Variants in ADAP2 observed in about 807,000 individuals in gnomAD.
ADAP2 encodes ArfGAP with dual PH domains 2.
A neutral mutation model predicts 54.9 loss-of-function variants in ADAP2; 42 were observed. The ratio of observed to expected loss-of-function variants is 0.77; its 90% confidence interval spans 0.60 to 0.99. The LOEUF is 0.99. Among genes scored for constraint, ADAP2 ranks in the 50% least tolerant of loss-of-function variants. ADAP2 has a pLI of 0.00. For missense variants in ADAP2, 429 were observed against 480.4 expected, an observed-to-expected ratio of 0.89 and a Z score of 1.00; for synonymous variants, 177 against 180.1, an observed-to-expected ratio of 0.98 and a Z score of 0.14.
At chr17:30,945,750 C>T (rs2142563946) in intron 6 of ADAP2, among the ~76,000 whole-genome samples, 1 of 150,748 alleles carries the variant, frequency 6.6e-6, no homozygotes, top group South Asian at 2.1e-4. Context: ...GAGCAGGACC[C>T]TGTCTCAAAA....
chr17:30,958,071 T>A lies in ADAP2; in HGVS notation c.*202T>A. ...GCAACCCACCTCGGGGATCTGAGGA[T>A]CTGGTGCATAGATGAACATCTATCC... On this transcript the variant is annotated 3_prime_UTR_variant, in exon 11 of 11. Coordinates refer to ENST00000330889, the MANE Select transcript of ADAP2 (RefSeq NM_018404.3). The A allele has an allele frequency of 1.6e-6, 1 of 616,680 alleles. No individual in the cohort carries two copies. 38.2% of individuals were successfully genotyped at this position (616,680 alleles called of 1,614,324 possible).
chr17:30,944,177 G>GCAAAA (rs1416648599), intron 5 of ADAP2, among the ~76,000 whole-genome samples: 2 of 152,052 alleles, frequency 1.3e-5, no homozygotes, highest in East Asian at 1.9e-4. Flanking sequence ...GGCAGCAAGA[G>GCAAAA]CAAAACAAAA....
rs373924866 is a variant in ADAP2 at position 30,936,998 on chromosome 17, G to A, written c.510+2701G>A. 6.9e-4 allele frequency among the ~76,000 whole-genome samples: 105 copies of A among 152,108 alleles called. 2 individuals carry two copies. In the South Asian group the frequency reaches 0.019, roughly 27 times the overall value. On this transcript the variant is annotated intron_variant, in intron 5 of 10. Transcript: ENST00000330889. ...GGCTGGAGTGCAGTGGCGTGATCTC[G>A]GCTCACTGCAACCTCTGCCTCCCAG...
At chr17:30,924,643 C>A (rs904890522) in intron 2 of ADAP2, among the ~76,000 whole-genome samples, 2 of 152,070 alleles carry the variant, frequency 1.3e-5, no homozygotes, top group Non-Finnish European at 2.9e-5. Context: ...TACTGAATGC[C>A]TACTCTGTGC....
rs1440251938 is a variant in ADAP2, at chr17:30,958,003, A to C, written c.*134A>C. On this transcript the variant is annotated 3_prime_UTR_variant, in exon 11 of 11. Coordinates refer to ENST00000330889, the MANE Select transcript of ADAP2 (RefSeq NM_018404.3). ...ATTCCTGGCAGTGAACTCTGCCAGG[A>C]CTGAAGCTGTGGCTTTATCCATCAG... 1.2e-6 allele frequency: 1 copy of C among 868,116 alleles called. No individual in the cohort carries two copies. The highest frequency in any genetic ancestry group is 1.7e-5 in the African/African-American group (1 of 59,784). The allele number at this position is 868,116 out of a possible 1,614,324, so 53.8% of individuals were successfully genotyped here. A position where few individuals can be genotyped will look rare whatever the true frequency, so the allele number is the denominator to read the frequency against.
At chr17:30,922,863 C>A in intron 1 of ADAP2, 77 bp from the exon 2 acceptor site, 1 of 1,528,458 alleles carries the variant, frequency 6.5e-7, no homozygotes. Context: ...GCCCCACCTG[C>A]CCCAGTGCCC....
chr17:30,922,099 G>C lies in ADAP2; in HGVS notation c.85G>C (p.Gly29Arg), dbSNP rs986372397. 4.2e-5 allele frequency: 52 copies of C among 1,249,732 alleles called. No homozygotes were observed. Among genetic ancestry groups the C allele is most frequent in the South Asian group, 6.5e-5 (2 of 30,850 alleles). The allele number at this position is 1,249,732 out of a possible 1,614,324, so 77.4% of individuals were successfully genotyped here. ...AGGCAACGCGCACTGCGCCGACTGC[G>C]GGGCGGCAGGTAAGGGCGCGGCGGC... ...DTGNAHCADCGAADPDWASYK... is the reference protein window; with the variant it reads ...DTGNAHCADCRAADPDWASYK... The change falls in exon 1 of 11, where the codon GGG (glycine) becomes CGG (arginine). Residue 29 changes from glycine to arginine, a missense_variant. Transcript: ENST00000330889.
intron 5 of ADAP2, among the ~76,000 whole-genome samples, chr17:30,935,229 G>C (rs528990420): frequency 2.0e-5 from 3 of 151,918 alleles, no homozygotes; most frequent in Non-Finnish European, 4.4e-5. Context: ...TTAGCTGGGC[G>C]TGGTGGTGCA....
At chr17:30,927,680 C>G (rs538207502) in intron 3 of ADAP2, among the ~76,000 whole-genome samples, 1 of 151,850 alleles carries the variant, frequency 6.6e-6, no homozygotes, top group South Asian at 2.1e-4. Flanking sequence ...CGGGCTGGCT[C>G]TAAACAACTT....
chr17:30,954,325 C>T (rs1473087420), intron 8 of ADAP2, 153 bp from the exon 9 acceptor site: 1 of 679,518 alleles, frequency 1.5e-6, no homozygotes, highest in South Asian at 1.7e-5. Context: ...TATCCAGGCC[C>T]CAGGGAGAAG....
At chr17:30,941,734 AG>A (rs1238410053) in intron 5 of ADAP2, among the ~76,000 whole-genome samples, 1 of 152,214 alleles carries the variant, frequency 6.6e-6, no homozygotes, top group East Asian at 1.9e-4. Context: ...ATTTTAGAAC[AG>A]GCAAAACTGT....
At chr17:30,945,949 CGAG>C (rs1912640786) in intron 6 of ADAP2, among the ~76,000 whole-genome samples, 2 of 150,294 alleles carry the variant, frequency 1.3e-5, no homozygotes, top group Non-Finnish European at 3.0e-5. Context: ...GTCAGGAGAT[CGAG>C]ACCATGCTGT....
intron 7 of ADAP2, 94 bp from the exon 8 acceptor site, chr17:30,953,194 A>G: frequency 1.8e-6 from 2 of 1,119,966 alleles, no homozygotes; most frequent in Admixed American, 3.5e-5. Context: ...ATCCTTCCCC[A>G]TTTCAAACTT....
chr17:30,939,730 C>T (rs191201830), intron 5 of ADAP2, among the ~76,000 whole-genome samples: 1 of 147,334 alleles, frequency 6.8e-6, no homozygotes, highest in African/African-American at 2.5e-5. Flanking sequence ...GAGATGGCGC[C>T]ACTGCACTCC....
chr17:30,922,041 G>A lies in ADAP2; in HGVS notation c.27G>A (p.Lys9=). 3 of 1,276,646 alleles carry A rather than the reference G, an allele frequency of 2.3e-6. No homozygotes were observed. In the Admixed American group the frequency reaches 1.3e-4, roughly 54 times the overall value. The allele number at this position is 1,276,646 out of a possible 1,614,324, so 79.1% of individuals were successfully genotyped here. A position where few individuals can be genotyped will look rare whatever the true frequency, so the allele number is the denominator to read the frequency against. Residue 9 remains lysine (K), a synonymous_variant, in exon 1 of 11, where the codon AAG becomes AAA. Coordinates refer to ENST00000330889, the MANE Select transcript of ADAP2 (RefSeq NM_018404.3). The part of the protein sequence containing the change: MGDRERNK[K]RLLELLRAPD... ...TGGGCGATCGCGAGCGCAACAAGAAGCGGCTGCTGGAGCTGCTGCGGGCGC... is the reference window on the plus strand; with the variant it reads ...TGGGCGATCGCGAGCGCAACAAGAAACGGCTGCTGGAGCTGCTGCGGGCGC...
Position 30,957,914 on chromosome 17 carries a change from T to G in ADAP2, c.*45T>G. 1.3e-6 allele frequency: 2 copies of G among 1,599,996 alleles called. No homozygotes were observed. Among genetic ancestry groups the G allele is most frequent in the Non-Finnish European group, 1.7e-6 (2 of 1,170,860 alleles). On this transcript the variant is annotated 3_prime_UTR_variant, in exon 11 of 11. Transcript: ENST00000330889. ...GCTGCCACTGAACACCTGGAACTCC[T>G]TGTGGGAAGAAGTTTGCACCTCGGC...
intron 5 of ADAP2, among the ~76,000 whole-genome samples, chr17:30,940,896 T>C (rs1397879143): frequency 1.3e-5 from 2 of 152,172 alleles, no homozygotes; most frequent in African/African-American, 4.8e-5. Context: ...ACCTTGAGCA[T>C]CTCCCAGAAA....
chr17:30,953,376 C>T, intron 8 of ADAP2, 26 bp downstream of exon 8: 1 of 1,606,156 alleles, frequency 6.2e-7, no homozygotes, highest in African/African-American at 1.3e-5. Flanking sequence ...CCCTGGGGAA[C>T]TTAATATGGT....
Position 30,954,473 on chromosome 17 carries a change from T to C in ADAP2, c.805-5T>C. 1.2e-6 allele frequency: 2 copies of C among 1,613,980 alleles called. No homozygotes were observed. The highest frequency in any genetic ancestry group is 1.7e-6 in the Non-Finnish European group (2 of 1,179,854). ...ATCTGTGGTAAGAAGTTCCCTCTTT[T>C]GCAGCAGAAAGAACCTTTCAAGAAA... is the stretch of plus-strand genomic sequence containing the variant. On this transcript the variant is annotated splice_polypyrimidine_tract_variant and splice_region_variant and intron_variant, in intron 8 of 10. Transcript: ENST00000330889.
Sources: gnomAD v4.1 joint callset for allele counts (sites outside exome capture counted in the v4.1 genomes callset) on GRCh38, gnomAD v4.1.1 for gene constraint, MANE v1.5 for transcripts, NCBI Gene and HGNC (gene_info 2026-07-23, HGNC 2026-07-21) for gene names.